Variants in SYNE2 observed in about 807,000 individuals in gnomAD.
SYNE2 encodes the protein nesprin-2.
In SYNE2, 431 loss-of-function variants were observed where a neutral mutation model predicts 856.3. That is an observed-to-expected ratio of 0.50 (90% confidence interval 0.47 to 0.55). The LOEUF (loss-of-function observed/expected upper bound fraction) is 0.55. Among genes scored for constraint, SYNE2 ranks in the 20% least tolerant of loss-of-function variants. SYNE2 has a pLI of 0.00. For missense variants in SYNE2, 8,129 were observed against 8,023.2 expected, an observed-to-expected ratio of 1.01 and a Z score of -0.50; for synonymous variants, 2,923 against 2,872.3, an observed-to-expected ratio of 1.02 and a Z score of -0.56.
At chr14:64,215,632 TCTCC>T (rs1224670658) in intron 107 of SYNE2, 34 of 554,248 alleles carry the variant, frequency 6.1e-5, no homozygotes, top group African/African-American at 6.0e-4. Flanking sequence ...ATGATTTTTT[TCTCC>T]ATCTAACTGA....
intron 1 of SYNE2, among the ~76,000 whole-genome samples, chr14:63,840,439 CTT>C (rs1890020638): frequency 1.0e-5 from 1 of 98,512 alleles, no homozygotes; most frequent in Non-Finnish European, 2.1e-5. Context: ...TCCTTCCTTC[CTT>C]CCTTCCTTCC....
intron 113 of SYNE2, among the ~76,000 whole-genome samples, chr14:64,223,731 G>A (rs2098705252): frequency 6.6e-6 from 1 of 152,196 alleles, no homozygotes; most frequent in East Asian, 1.9e-4. Context: ...TTACAGGCAT[G>A]AGCCACCATA....
At chr14:64,077,684 G>C (rs555486320) in intron 54 of SYNE2, among the ~76,000 whole-genome samples, 1 of 151,672 alleles carries the variant, frequency 6.6e-6, no homozygotes, top group South Asian at 2.1e-4. Context: ...AAAGCATAAA[G>C]TATTATTTGG....
chr14:64,162,801 G>A (rs1027370327), intron 88 of SYNE2: 1 of 207,562 alleles, frequency 4.8e-6, no homozygotes, highest in Admixed American at 5.3e-5. Flanking sequence ...GTGAACAGAT[G>A]CATTTTGTAT....
At chr14:64,155,449 G>A (rs985637543) in intron 85 of SYNE2, among the ~76,000 whole-genome samples, 5 of 152,096 alleles carry the variant, frequency 3.3e-5, no homozygotes, top group African/African-American at 1.2e-4. Flanking sequence ...TGGGGAGAAC[G>A]AGGAGTGACT....
intron 49 of SYNE2, among the ~76,000 whole-genome samples, chr14:64,058,492 TTTTTTC>T (rs989260486): frequency 6.6e-6 from 1 of 152,136 alleles, no homozygotes; most frequent in African/African-American, 2.4e-5. Flanking sequence ...CAATAACTCT[TTTTTTC>T]TTTTTTGAGA....
intron 1 of SYNE2, among the ~76,000 whole-genome samples, chr14:63,776,520 G>A (rs1887112232): frequency 6.6e-6 from 1 of 151,758 alleles, no homozygotes; most frequent in African/African-American, 2.4e-5. Flanking sequence ...GTATTTTACT[G>A]ACAAATGATC....
chr14:64,188,516 T>C, intron 97 of SYNE2, 34 bp from the exon 98 acceptor site: 1 of 1,614,056 alleles, frequency 6.2e-7, no homozygotes, highest in Non-Finnish European at 8.5e-7. Context: ...CCTTCCTGGC[T>C]ATACTCAGCT....
chr14:63,995,362 C>G (rs1273111987), intron 23 of SYNE2, among the ~76,000 whole-genome samples, 160 bp downstream of exon 23: 4 of 152,156 alleles, frequency 2.6e-5, no homozygotes, highest in Non-Finnish European at 5.9e-5. Flanking sequence ...CGCAGCAGAG[C>G]CTGTACTTCT....
At chr14:64,177,273 T>G (rs1464515754) in intron 95 of SYNE2, 85 bp from the exon 96 acceptor site, 2 of 1,532,228 alleles carry the variant, frequency 1.3e-6, no homozygotes, top group African/African-American at 2.8e-5. Flanking sequence ...ATAGAAAGAT[T>G]ATGTGGATTA....
At chr14:63,974,890 GTGTATATATATATATATA>G (rs1353750388) in intron 11 of SYNE2, among the ~76,000 whole-genome samples, 3 of 27,506 alleles carry the variant, frequency 1.1e-4, no homozygotes, top group South Asian at 4.5e-3. Context: ...GTGTGTGTGT[GTGTATATATATATATATA>G]TATATATATG....
At chr14:63,924,834 GTTTT>G (rs1160819887) in intron 2 of SYNE2, among the ~76,000 whole-genome samples, 2 of 56,412 alleles carry the variant, frequency 3.5e-5, no homozygotes, top group Admixed American at 2.3e-4. Context: ...CAGCCTTGGT[GTTTT>G]TTTTTTTTTT....
intron 1 of SYNE2, among the ~76,000 whole-genome samples, chr14:63,790,142 G>A (rs1022918897): frequency 2.0e-5 from 3 of 151,918 alleles, no homozygotes; most frequent in African/African-American, 4.8e-5. Context: ...GACCAGCCTC[G>A]GGCAACATGG....
At chr14:63,902,407 C>CAAAAAAAAAAAAAAAAAAAAAAAA (rs10533353) in intron 1 of SYNE2, among the ~76,000 whole-genome samples, 1 of 74,642 alleles carries the variant, frequency 1.3e-5, no homozygotes, top group Non-Finnish European at 2.4e-5. Context: ...CGAGACTCCT[C>CAAAAAAAAAAAAAAAAAAAAAAAA]AAAAAAAAAA....
intron 1 of SYNE2, among the ~76,000 whole-genome samples, chr14:63,818,743 G>C (rs1436514617): frequency 7.0e-6 from 1 of 142,084 alleles, no homozygotes; most frequent in Non-Finnish European, 1.5e-5. Context: ...CTGTCACCCA[G>C]GCTGGAGTGC....
In SYNE2 at chr14:64,174,982, T is replaced by G; in HGVS notation, c.17274T>G (p.Cys5758Trp). The stretch of plus-strand genomic sequence containing the variant: ...ATTTTCAAAGGAGGCGAACTACCTG[T>G]GCCCTAACCTTGGAAGCTGGAGAAA... ...EIHFQRRRTT[C>W]ALTLEAGEKL... The change falls in exon 95 of 116, where the codon TGT (cysteine) becomes TGG (tryptophan). Residue 5758 changes from cysteine to tryptophan, a missense_variant. Physicochemically the swap from Cys to Trp is radical, Grantham distance 215. Transcript: ENST00000555002. 1 of 1,614,194 alleles carries G rather than the reference T, an allele frequency of 6.2e-7. No individual in the cohort carries two copies. The highest frequency in any genetic ancestry group is 1.1e-5 in the South Asian group (1 of 91,088).
chr14:63,820,890 C>T (rs1407279360), intron 1 of SYNE2, among the ~76,000 whole-genome samples: 5 of 151,866 alleles, frequency 3.3e-5, no homozygotes, highest in African/African-American at 1.2e-4. Context: ...GCTTGCATTA[C>T]AGGTGAGCAC....
At chr14:63,939,667 T>G (rs2095878785) in intron 2 of SYNE2, among the ~76,000 whole-genome samples, 1 of 152,138 alleles carries the variant, frequency 6.6e-6, no homozygotes, top group Non-Finnish European at 1.5e-5. Flanking sequence ...TTAATAAGAG[T>G]AATAGCCAAC....
chr14:63,919,974 T>TTTTTTTTTTTG (rs2095578817), intron 2 of SYNE2, among the ~76,000 whole-genome samples: 1 of 142,012 alleles, frequency 7.0e-6, no homozygotes, highest in Admixed American at 7.0e-5. Context: ...AAAGGTAAGT[T>TTTTTTTTTTTG]TTTTTTTTTT....
Sources: gnomAD v4.1 joint callset for allele counts (sites outside exome capture counted in the v4.1 genomes callset) on GRCh38, gnomAD v4.1.1 for gene constraint, MANE v1.5 for transcripts, NCBI Gene and HGNC (gene_info 2026-07-23, HGNC 2026-07-21) for gene names.